Variants in SMCO4 observed in about 807,000 individuals in gnomAD.
The protein encoded by SMCO4 is single-pass membrane and coiled-coil domain-containing protein 4.
SMCO4 carries 4 observed loss-of-function variants against 3.6 expected under a neutral mutation model. The ratio of observed to expected loss-of-function variants is 1.11; its 90% CI spans 0.54 to 2.53. The LOEUF (loss-of-function observed/expected upper bound fraction) is 2.53. Among genes scored for constraint, SMCO4 ranks in the 30% most tolerant of loss-of-function variants. SMCO4 has a pLI of 0.02. For synonymous variants in SMCO4, 36 were observed against 35.3 expected (o/e 1.02, Z -0.07); for missense variants, 70 against 80.8 (o/e 0.87, Z 0.51).
At chr11:93,508,251 C>T (rs1324547938) in intron 1 of SMCO4, among the ~76,000 whole-genome samples, 1 of 152,060 alleles carries the variant, frequency 6.6e-6, no homozygotes, top group Non-Finnish European at 1.5e-5. Flanking sequence ...GTCTCCAACA[C>T]TGGGATGGGG....
chr11:93,521,324 T>C (rs954677529), intron 1 of SMCO4, among the ~76,000 whole-genome samples: 1 of 152,298 alleles, frequency 6.6e-6, no homozygotes, highest in East Asian at 1.9e-4. Context: ...GGACCCAACA[T>C]GAGTCACTTA....
At chr11:93,529,451 C>T (rs996214584) in intron 1 of SMCO4, among the ~76,000 whole-genome samples, 19 of 152,232 alleles carry the variant, frequency 1.2e-4, no homozygotes, top group African/African-American at 4.6e-4. Flanking sequence ...CGATGCTCCC[C>T]AGAGGGGTCA....
At chr11:93,523,307 C>T (rs1222570275) in intron 1 of SMCO4, 1 of 152,098 alleles carries the variant, frequency 6.6e-6, no homozygotes, top group African/African-American at 2.4e-5. Flanking sequence ...CAGAGTGAGA[C>T]CCTGTCTCAA....
chr11:93,524,038 G>C (rs932090227), intron 1 of SMCO4, among the ~76,000 whole-genome samples: 1 of 152,296 alleles, frequency 6.6e-6, no homozygotes, highest in Non-Finnish European at 1.5e-5. Context: ...CCCTTCAGGG[G>C]AGGGGAGTTT....
At chr11:93,497,953 A>T (rs936609127) in intron 2 of SMCO4, among the ~76,000 whole-genome samples, 15 of 152,214 alleles carry the variant, frequency 9.9e-5, no homozygotes, top group Admixed American at 5.9e-4. Flanking sequence ...CTGTCAGTTG[A>T]TTATTTATTT....
At chr11:93,518,347 A>G (rs952340830) in intron 1 of SMCO4, among the ~76,000 whole-genome samples, 8 of 152,214 alleles carry the variant, frequency 5.3e-5, no homozygotes, top group African/African-American at 1.9e-4. Flanking sequence ...TTGTCTATCC[A>G]TGTATCCACT....
the SMCO4 span, among the ~76,000 whole-genome samples, chr11:93,552,042 A>G: frequency 6.6e-6 from 1 of 152,054 alleles, no homozygotes; most frequent in Non-Finnish European, 1.5e-5. Flanking sequence ...GGCTGCTTTC[A>G]ATGTTTACAT....
At chr11:93,495,044 T>C (rs1328207800) in intron 2 of SMCO4, among the ~76,000 whole-genome samples, 1 of 152,028 alleles carries the variant, frequency 6.6e-6, no homozygotes, top group Non-Finnish European at 1.5e-5. Context: ...CCTTTATCCA[T>C]GCAGCTGTCT....
intron 1 of SMCO4, among the ~76,000 whole-genome samples, chr11:93,509,646 A>C (rs1369325178): frequency 1.3e-5 from 2 of 152,242 alleles, no homozygotes; most frequent in African/African-American, 4.8e-5. Flanking sequence ...CATAATAAAG[A>C]ATGAAATAAT....
intron 1 of SMCO4, among the ~76,000 whole-genome samples, chr11:93,514,909 T>C (rs1948995513): frequency 6.6e-6 from 1 of 152,154 alleles, no homozygotes; most frequent in Non-Finnish European, 1.5e-5. Context: ...GACTTCAAGA[T>C]TGAGGCTCAA....
At chr11:93,547,850 G>A (rs1325301856), upstream of SMCO4, among the ~76,000 whole-genome samples, 9 of 152,224 alleles carry the variant, frequency 5.9e-5, no homozygotes, top group African/African-American at 2.2e-4. Flanking sequence ...AGACTCGTGT[G>A]CAGGATAAAT....
At chr11:93,512,354 G>A (rs1255878358) in intron 1 of SMCO4, among the ~76,000 whole-genome samples, 2 of 152,034 alleles carry the variant, frequency 1.3e-5, no homozygotes, top group African/African-American at 4.8e-5. Flanking sequence ...GCATTACTCC[G>A]TGTTTGTGGT....
At chr11:93,482,618 G>A (rs998144154) in intron 2 of SMCO4, among the ~76,000 whole-genome samples, 2 of 152,242 alleles carry the variant, frequency 1.3e-5, no homozygotes, top group Non-Finnish European at 2.9e-5. Flanking sequence ...AGAACGTGCT[G>A]TCGTGGGGAC....
chr11:93,529,893 C>T (rs1027581325), intron 1 of SMCO4, among the ~76,000 whole-genome samples: 1 of 152,202 alleles, frequency 6.6e-6, no homozygotes, highest in Non-Finnish European at 1.5e-5. Context: ...TGTGTGAACA[C>T]TTTGTAGGCC....
intron 1 of SMCO4, among the ~76,000 whole-genome samples, chr11:93,519,892 A>G (rs748289815): frequency 6.6e-6 from 1 of 152,248 alleles, no homozygotes; most frequent in Admixed American, 6.5e-5. Context: ...CTTAACTCCA[A>G]TGCCAGACCT....
intron 1 of SMCO4, among the ~76,000 whole-genome samples, chr11:93,526,375 G>C (rs1293790149): frequency 6.6e-6 from 1 of 151,766 alleles, no homozygotes; most frequent in East Asian, 1.9e-4. Context: ...CGCAGTTACA[G>C]AATGATCTCC....
intron 1 of SMCO4, among the ~76,000 whole-genome samples, chr11:93,534,445 A>T (rs946874812): frequency 6.6e-6 from 1 of 151,588 alleles, no homozygotes; most frequent in African/African-American, 2.4e-5. Flanking sequence ...GTTACTTACA[A>T]TTACCAAGTA....
chr11:93,505,240 A>T (rs1445874223), intron 1 of SMCO4, among the ~76,000 whole-genome samples: 1 of 152,220 alleles, frequency 6.6e-6, no homozygotes, highest in East Asian at 1.9e-4. Context: ...AACAAAAAAC[A>T]AATGATTTAG....
intron 2 of SMCO4, among the ~76,000 whole-genome samples, chr11:93,489,078 G>A (rs943464732): frequency 6.6e-6 from 1 of 152,142 alleles, no homozygotes; most frequent in African/African-American, 2.4e-5. Flanking sequence ...GCAGACAGAA[G>A]GCAGTGAGAG....
Sources: allele counts gnomAD v4.1 joint callset (sites outside exome capture counted in the v4.1 genomes callset), GRCh38; gene constraint gnomAD v4.1.1; transcripts MANE v1.5; gene names NCBI Gene and HGNC (gene_info 2026-07-23, HGNC 2026-07-21).